The following TNC variants were observed in gnomAD, a reference collection of about 807,000 sequenced individuals.
TNC encodes tenascin C, also known as tenascin.
In TNC, 109 loss-of-function variants were observed where a neutral mutation model predicts 202.4. The ratio of observed to expected loss-of-function variants is 0.54; its 90% CI spans 0.46 to 0.63. TNC has a LOEUF of 0.63. Among genes scored for constraint, TNC ranks in the 30% least tolerant of loss-of-function variants. TNC has a pLI of 0.00. For synonymous variants in TNC, 1,007 were observed against 1,089.7 expected (o/e 0.92, Z 1.50); for missense variants, 2,756 against 2,833.3 (o/e 0.97, Z 0.62).
At chr9:115,074,707 G>A (rs1833710092) in intron 9 of TNC, among the ~76,000 whole-genome samples, 1 of 152,214 alleles carries the variant, frequency 6.6e-6, no homozygotes, top group South Asian at 2.1e-4. Flanking sequence ...AGGGTAGCAT[G>A]TGGGATTCTT....
chr9:115,101,732 G>T (rs1053029289), intron 1 of TNC, among the ~76,000 whole-genome samples: 1 of 152,146 alleles, frequency 6.6e-6, no homozygotes, highest in African/African-American at 2.4e-5. Context: ...TGTTCCTAGA[G>T]ATCTCAGAAA....
chr9:115,099,690 G>C (rs1427618130), intron 1 of TNC, among the ~76,000 whole-genome samples: 2 of 152,172 alleles, frequency 1.3e-5, no homozygotes, highest in Non-Finnish European at 2.9e-5. Context: ...AAAACACTCA[G>C]TAACAAATAC....
chr9:115,051,941 T>C (rs1445648776), intron 15 of TNC, among the ~76,000 whole-genome samples: 1 of 152,076 alleles, frequency 6.6e-6, no homozygotes, highest in African/African-American at 2.4e-5. Context: ...CTTAGAAGTT[T>C]ACATATATTA....
At chr9:115,083,792 A>G (rs970657448) in intron 4 of TNC, among the ~76,000 whole-genome samples, 1 of 152,074 alleles carries the variant, frequency 6.6e-6, no homozygotes, top group Non-Finnish European at 1.5e-5. Flanking sequence ...TTTAGTAGAG[A>G]CAGGGTTTCG....
At chr9:115,083,699 G>T (rs1348049442) in intron 4 of TNC, among the ~76,000 whole-genome samples, 1 of 150,532 alleles carries the variant, frequency 6.6e-6, no homozygotes, top group Non-Finnish European at 1.5e-5. Context: ...TCTGCCTCCT[G>T]GTTTCAAGCT....
chr9:115,078,807 T>G (rs1163070253), intron 6 of TNC, among the ~76,000 whole-genome samples: 5 of 152,156 alleles, frequency 3.3e-5, no homozygotes, highest in African/African-American at 4.8e-5. Context: ...CCCCACCTAC[T>G]CTGGTGTTGT....
At chr9:115,043,805 C>A (rs1185755846) in intron 17 of TNC, among the ~76,000 whole-genome samples, 1 of 152,188 alleles carries the variant, frequency 6.6e-6, no homozygotes, top group Non-Finnish European at 1.5e-5. Flanking sequence ...TTCCCTCTGC[C>A]AACCTGGTGT....
At chr9:115,076,322 G>A (rs1833848346) in intron 8 of TNC, 68 bp downstream of exon 8, 2 of 1,552,658 alleles carry the variant, frequency 1.3e-6, no homozygotes, top group African/African-American at 1.4e-5. Flanking sequence ...ACATGTGGGA[G>A]CAGGTGCCCA....
chr9:115,076,076 T>G lies in TNC; in HGVS notation c.2906A>C (p.Lys969Thr), dbSNP rs1564100842. Reference sequence around the variant, plus strand: ...CGCTGGATTGCTCTCCTTGTCTTCCTTCACAGCAGAAACTCCAATCCCATA... The same window carrying G: ...CGCTGGATTGCTCTCCTTGTCTTCCGTCACAGCAGAAACTCCAATCCCATA... Reference protein sequence around the residue: ...TEYGIGVSAVKEDKESNPATI... With the variant: ...TEYGIGVSAVTEDKESNPATI... Residue 969 changes from lysine to threonine, a missense_variant, in exon 9 of 28, where the codon AAG (lysine) becomes ACG (threonine). Lys to Thr is a moderately conservative substitution (Grantham distance 78). This residue lies in a region of TNC where 2,559 missense variants were observed against 2,546.0 expected (regional missense o/e 1.01). Transcript: ENST00000350763. 6.2e-7 allele frequency: 1 copy of G among 1,614,156 alleles called. No homozygotes were observed. Among genetic ancestry groups the G allele is most frequent in the Middle Eastern group, 1.6e-4 (1 of 6,062 alleles).
rs550427608 is a variant in TNC at position 115,035,265 on chromosome 9, G to A, written c.5726C>T (p.Pro1909Leu). The A allele has an allele frequency of 7.6e-5, 122 of 1,613,394 alleles. 1 individual carries two copies. The South Asian group carries it at 1.2e-3, about 16-fold the overall frequency. The change falls in exon 22 of 28, where the codon CCC becomes CTC. Residue 1909 changes from proline to leucine, a missense_variant. Transcript: ENST00000350763. ...GTAACCGGTGACTGATGCCCGGGGG[G>A]GTCGCCAGGTAAGGAGGGCAGTTTC... is the stretch of plus-strand genomic sequence containing the variant. ...QSETALLTWR[P>L]PRASVTGYLL...
At chr9:115,025,924 C>T (rs964906191) in intron 26 of TNC, among the ~76,000 whole-genome samples, 3 of 152,130 alleles carry the variant, frequency 2.0e-5, no homozygotes, top group Admixed American at 2.0e-4. Flanking sequence ...AGAGGTGAGA[C>T]CTTCTATTTA....
In TNC at chr9:115,086,148, GCA is replaced by G; in HGVS notation, c.1581_1582del (p.Ala528ArgfsTer7). The G allele has an allele frequency of 6.2e-7, 1 of 1,613,744 alleles. No homozygotes were observed. The highest frequency in any genetic ancestry group is 8.5e-7 in the Non-Finnish European group (1 of 1,179,918). ...GCAGTCATTTGGACAGGAGAGTTCT[GCA>G]CAGTCAGGGCCGGTGAAGCCGTCCT... On this transcript the variant is annotated frameshift_variant, in exon 3 of 28. Transcript: ENST00000350763. LOFTEE classifies it high-confidence loss of function.
At chr9:115,102,067 G>A (rs955725431) in intron 1 of TNC, among the ~76,000 whole-genome samples, 7 of 152,154 alleles carry the variant, frequency 4.6e-5, no homozygotes, top group African/African-American at 1.7e-4. Flanking sequence ...TTATGAGATA[G>A]TATTTGTACC....
At chr9:115,042,170 T>C (rs559874931) in intron 18 of TNC, 49 bp downstream of exon 18, 2 of 1,590,954 alleles carry the variant, frequency 1.3e-6, no homozygotes, top group South Asian at 1.1e-5. Flanking sequence ...CATGAATCCA[T>C]CCAAACCCAC....
At chr9:115,078,733 C>T (rs1042820134) in intron 6 of TNC, among the ~76,000 whole-genome samples, 5 of 152,142 alleles carry the variant, frequency 3.3e-5, no homozygotes, top group East Asian at 1.9e-4. Context: ...AAAGAATTCA[C>T]GCAAGAAAGT....
At chr9:115,113,402 T>C (rs3789868) in intron 1 of TNC, among the ~76,000 whole-genome samples, 56,748 of 151,792 alleles carry the variant, frequency 0.37, 11,948 homozygotes, top group East Asian at 0.61. Flanking sequence ...TGATAAGACT[T>C]ACTAGAAGCT....
chr9:115,064,713 T>C lies in TNC; in HGVS notation c.3421A>G (p.Thr1141Ala). 6.2e-7 allele frequency: 1 copy of C among 1,614,218 alleles called. No homozygotes were observed. The highest frequency in any genetic ancestry group is 8.5e-7 in the Non-Finnish European group (1 of 1,180,034). The change falls in exon 11 of 28, where the codon ACA (threonine) becomes GCA (alanine). Residue 1141 changes from threonine (T) to alanine (A), a missense_variant. Around this residue, in one of 2 missense-constraint regions of TNC, gnomAD observed 2,559 missense variants for 2,546.0 expected, o/e 1.01. Coordinates refer to ENST00000350763, the MANE Select transcript of TNC (RefSeq NM_002160.4). ...TGGATCACCCCATAGATGGAGACTGTATAAGGCGTAGCAGCCTTGAGGCCC... is the reference window on the plus strand; with the variant it reads ...TGGATCACCCCATAGATGGAGACTGCATAAGGCGTAGCAGCCTTGAGGCCC... The part of the protein sequence containing the change: ...IPGLKAATPY[T>A]VSIYGVIQGY...
chr9:115,054,091 G>T (rs7858962), intron 15 of TNC, among the ~76,000 whole-genome samples: 1 of 152,040 alleles, frequency 6.6e-6, no homozygotes, highest in African/African-American at 2.4e-5. Context: ...TTAGAGAGAG[G>T]CAACAGTACT....
At chr9:115,029,108 G>T (rs1265033852) in intron 25 of TNC, among the ~76,000 whole-genome samples, 3 of 147,672 alleles carry the variant, frequency 2.0e-5, no homozygotes, top group Non-Finnish European at 4.4e-5. Flanking sequence ...TTCTGGGCGT[G>T]TCCTTAACGT....
Sources: gnomAD v4.1 joint callset for allele counts (sites outside exome capture counted in the v4.1 genomes callset) on GRCh38, gnomAD v4.1.1 for gene constraint, gnomAD v4.1.1 regional missense constraint, MANE v1.5 for transcripts, NCBI Gene and HGNC (gene_info 2026-07-23, HGNC 2026-07-21) for gene names.